The following PIAS2 variants were observed in gnomAD, a reference collection of about 807,000 sequenced individuals.
The protein encoded by PIAS2 is E3 SUMO-protein ligase PIAS2.
PIAS2 carries 19 observed loss-of-function variants against 69.7 expected under a neutral mutation model. The observed-to-expected ratio is 0.27, with a 90% confidence interval of 0.19 to 0.40. PIAS2 has a LOEUF of 0.40. PIAS2 is among the 10% of genes least tolerant of loss of function. PIAS2 has a pLI of 1.00. For missense variants in PIAS2, 624 were observed against 757.0 expected (o/e 0.82, Z 2.06); for synonymous variants, 261 against 263.2 (o/e 0.99, Z 0.08).
chr18:46,879,664 T>C (rs2051863610), intron 2 of PIAS2, among the ~76,000 whole-genome samples: 1 of 152,120 alleles, frequency 6.6e-6, no homozygotes, highest in South Asian at 2.1e-4. Context: ...AATCCAAGTG[T>C]CCATTGGAGA....
upstream of PIAS2, chr18:46,920,123 C>T (rs1256843300): frequency 2.3e-6 from 3 of 1,286,768 alleles, no homozygotes; most frequent in African/African-American, 1.5e-5. Flanking sequence ...TGTAGCAGCT[C>T]CTGGATGGGT....
chr18:46,917,567 G>C, upstream of PIAS2: 1 of 1,092,310 alleles, frequency 9.2e-7, no homozygotes, highest in Non-Finnish European at 1.1e-6. Context: ...GGTGCCCCCT[G>C]CCCACCCGCG....
intron 5 of PIAS2, among the ~76,000 whole-genome samples, chr18:46,852,018 C>T (rs556410525): frequency 7.9e-5 from 12 of 152,254 alleles, no homozygotes; most frequent in African/African-American, 2.6e-4. Flanking sequence ...CTTGTTGATG[C>T]TTCTTAAAAC....
intron 1 of PIAS2, among the ~76,000 whole-genome samples, chr18:46,913,855 T>A (rs971387799): frequency 1.3e-5 from 2 of 152,068 alleles, no homozygotes; most frequent in African/African-American, 4.8e-5. Context: ...CAGGCTGGAG[T>A]GCAGTGTCAA....
chr18:46,903,691 C>T (rs2056209137), intron 1 of PIAS2: 2 of 152,098 alleles, frequency 1.3e-5, no homozygotes, highest in Non-Finnish European at 2.9e-5. Flanking sequence ...ACCACACAAC[C>T]CAGCAACTAC....
intron 12 of PIAS2, 103 bp from the exon 13 acceptor site, chr18:46,815,452 T>A: frequency 6.4e-7 from 1 of 1,573,948 alleles, no homozygotes; most frequent in Non-Finnish European, 8.6e-7. Flanking sequence ...TTGTGGTAAG[T>A]GCTTACCACT....
Position 46,890,665 on chromosome 18 carries a change from TG to T in PIAS2, c.413del (p.Pro138GlnfsTer11). 1 of 1,614,050 alleles carries T rather than the reference TG, an allele frequency of 6.2e-7. No individual in the cohort carries two copies. Among genetic ancestry groups the T allele is most frequent in the Non-Finnish European group, 8.5e-7 (1 of 1,179,978 alleles). ...PTFEMQQPSP[P>X]IPPVHPDVQL... ...GCACATCAGGATGGACAGGAGGAAT[TG>T]GGGGAGATGGCTGCTGCATCTCAAA... is the stretch of plus-strand genomic sequence containing the variant. On this transcript the variant is annotated frameshift_variant, in exon 2 of 14. Coordinates refer to ENST00000585916, the MANE Select transcript of PIAS2 (RefSeq NM_004671.5). LOFTEE classifies it high-confidence loss of function.
Position 46,844,036 on chromosome 18 carries a change from T to G in PIAS2, c.1041+18A>C. 7.0e-7 allele frequency: 1 copy of G among 1,433,512 alleles called. No individual in the cohort carries two copies. Among genetic ancestry groups the G allele is most frequent in the Non-Finnish European group, 9.4e-7 (1 of 1,068,462 alleles). 88.8% of individuals were successfully genotyped at this position (1,433,512 alleles called of 1,614,324 possible). On this transcript the variant is annotated intron_variant, in intron 8 of 13. Coordinates refer to ENST00000585916, the MANE Select transcript of PIAS2 (RefSeq NM_004671.5). ...ATAAAAAGTCAAATTCCCCAAAATG[T>G]TTTGTTGCTTTACTTACAGGGCACA... is the stretch of plus-strand genomic sequence containing the variant.
At chr18:46,822,260 T>C (rs902733935) in intron 11 of PIAS2, among the ~76,000 whole-genome samples, 2 of 152,190 alleles carry the variant, frequency 1.3e-5, no homozygotes, top group Admixed American at 6.5e-5. Context: ...AGTACATACA[T>C]TGTTGAGTTG....
rs370049522 is a variant in PIAS2, at chr18:46,870,382, G to A, written c.500-6134C>T. Reference sequence around the variant, plus strand: ...TGTAATCCCAGCACTCTGGGAGGCCGAGGCAGGTGGATCACAACGTCAGGA... The same window carrying A: ...TGTAATCCCAGCACTCTGGGAGGCCAAGGCAGGTGGATCACAACGTCAGGA... On this transcript the variant is annotated intron_variant, in intron 2 of 13. Coordinates refer to ENST00000585916, the MANE Select transcript of PIAS2 (RefSeq NM_004671.5). Among the ~76,000 whole-genome samples, 5 of 152,120 alleles carry A rather than the reference G, an allele frequency of 3.3e-5. No individual in the cohort carries two copies. The South Asian group carries it at 6.2e-4, about 19-fold the overall frequency.
upstream of PIAS2, among the ~76,000 whole-genome samples, chr18:46,919,863 G>A (rs1294506553): frequency 6.6e-6 from 1 of 152,112 alleles, no homozygotes; most frequent in African/African-American, 2.4e-5. Flanking sequence ...ATTCTCCGTA[G>A]ACCTTGATTT....
chr18:46,822,801 G>T (rs537527294), intron 11 of PIAS2, among the ~76,000 whole-genome samples: 3 of 152,214 alleles, frequency 2.0e-5, no homozygotes, highest in East Asian at 3.9e-4. Flanking sequence ...GTGAGTGCTG[G>T]GGAGGGGACT....
At chr18:46,854,881 T>C (rs905314278) in intron 5 of PIAS2, among the ~76,000 whole-genome samples, 1 of 152,112 alleles carries the variant, frequency 6.6e-6, no homozygotes, top group Non-Finnish European at 1.5e-5. Flanking sequence ...TGCTGTCCTA[T>C]ACATGAAAGT....
At chr18:46,888,431 T>C (rs1466734299) in intron 2 of PIAS2, among the ~76,000 whole-genome samples, 3 of 151,768 alleles carry the variant, frequency 2.0e-5, no homozygotes, top group East Asian at 1.9e-4. Context: ...GGGCCCCAAA[T>C]AGCCAAAACA....
chr18:46,894,107 CAG>C (rs1213992187), intron 1 of PIAS2, among the ~76,000 whole-genome samples: 7 of 152,148 alleles, frequency 4.6e-5, no homozygotes, highest in African/African-American at 1.7e-4. Flanking sequence ...ACCTGGGCGA[CAG>C]AGTGAGACCC....
rs148439765 is a variant in PIAS2, at chr18:46,839,064, A to T, written c.1042-2547T>A. ...TTTCATATTATCCTTTTTAAAAATC[A>T]CATGTTATTCTTTTTAAGTAGTACC... On this transcript the variant is annotated intron_variant, in intron 8 of 13. Coordinates refer to ENST00000585916, the MANE Select transcript of PIAS2 (RefSeq NM_004671.5). Among the ~76,000 whole-genome samples, 381 of 152,328 alleles carry T rather than the reference A, an allele frequency of 2.5e-3. 2 individuals carry two copies. The highest frequency in any genetic ancestry group is 8.7e-3 in the African/African-American group (362 of 41,588).
chr18:46,815,340 A>C lies in PIAS2; in HGVS notation c.1658T>G (p.Phe553Cys). Residue 553 changes from phenylalanine (F) to cysteine (C), a missense_variant, in exon 13 of 14, where the codon TTT (phenylalanine) becomes TGT (cysteine). Physicochemically the swap from Phe to Cys is radical, Grantham distance 205 (BLOSUM62 -2). Transcript: ENST00000585916. The stretch of plus-strand genomic sequence containing the variant: ...GGGATCAACTGGAATAAGGGAAAGA[A>C]AATCCAAACCTAAAACAAAAATGCT... Reference protein sequence around the residue: ...SMSSDLPGLDFLSLIPVDPQY... With the variant: ...SMSSDLPGLDCLSLIPVDPQY... 6.2e-7 allele frequency: 1 copy of C among 1,612,228 alleles called. No individual in the cohort carries two copies. The highest frequency in any genetic ancestry group is 8.5e-7 in the Non-Finnish European group (1 of 1,178,724).
chr18:46,813,623 T>C (rs923399782), intron 13 of PIAS2, among the ~76,000 whole-genome samples: 1 of 152,164 alleles, frequency 6.6e-6, no homozygotes, highest in Non-Finnish European at 1.5e-5. Flanking sequence ...TTAGAGACAC[T>C]GGATTATGGA....
At chr18:46,905,827 A>G (rs1016721504) in intron 1 of PIAS2, 5 of 152,186 alleles carry the variant, frequency 3.3e-5, no homozygotes, top group Non-Finnish European at 7.4e-5. Flanking sequence ...TTTATAAGCA[A>G]GTTCTACTAA....
Sources: allele counts gnomAD v4.1 joint callset (sites outside exome capture counted in the v4.1 genomes callset), GRCh38; gene constraint gnomAD v4.1.1; transcripts MANE v1.5; gene names NCBI Gene and HGNC (gene_info 2026-07-23, HGNC 2026-07-21).